Variants in SCNN1D observed in about 807,000 individuals in gnomAD.
SCNN1D encodes the protein epithelial sodium channel subunit delta.
SCNN1D carries 104 observed loss-of-function variants against 87.8 expected under a neutral mutation model. That is an observed-to-expected ratio of 1.18 (90% CI 1.01 to 1.39). The LOEUF is 1.39. Ranked by LOEUF, SCNN1D falls within the 40% of genes most tolerant of loss-of-function variation. The pLI is 0.00. For missense variants in SCNN1D, 1,324 were observed against 1,093.9 expected, an observed-to-expected ratio of 1.21 and a Z score of -2.97; for synonymous variants, 628 against 481.2, an observed-to-expected ratio of 1.31 and a Z score of -3.99.
intron 10 of SCNN1D, 30 bp downstream of exon 10, chr1:1,287,626 G>T (rs764795566): frequency 3.7e-6 from 6 of 1,610,590 alleles, no homozygotes; most frequent in Non-Finnish European, 5.1e-6. Context: ...CGGTGCGGGG[G>T]CAGGGGTGCA....
intron 12 of SCNN1D, 29 bp downstream of exon 12, chr1:1,288,066 G>C: frequency 2.0e-6 from 3 of 1,472,524 alleles, no homozygotes; most frequent in Admixed American, 2.1e-5. Context: ...GGGGTGCGGG[G>C]GCAGGTGAGG....
chr1:1,282,173 A>G (rs1640483035), intron 3 of SCNN1D, 69 bp from the exon 4 acceptor site: 1 of 924,126 alleles, frequency 1.1e-6, no homozygotes. Context: ...CACTCAAGGA[A>G]ATCAGCTCAG....
Position 1,280,580 on chromosome 1 carries a change from G to C in SCNN1D, c.-82G>C. On this transcript the variant is annotated 5_prime_UTR_variant, in exon 1 of 18. Coordinates refer to ENST00000379116, the MANE Select transcript of SCNN1D (RefSeq NM_001130413.4). ...GCCACCAGGTCACAAGCCTCAGAGA[G>C]AATCAACTATAAATGCTTCTCATCA... 1.5e-6 allele frequency: 1 copy of C among 681,734 alleles called. No individual in the cohort carries two copies. The highest frequency in any genetic ancestry group is 2.7e-6 in the Non-Finnish European group (1 of 369,252). 42.2% of individuals were successfully genotyped at this position (681,734 alleles called of 1,614,324 possible). A position where few individuals can be genotyped will look rare whatever the true frequency, so the allele number is the denominator to read the frequency against.
rs748377068 is a variant in SCNN1D, at chr1:1,290,267, C to G, written c.1663-4C>G. On this transcript the variant is annotated splice_region_variant and splice_polypyrimidine_tract_variant and intron_variant, in intron 12 of 17. Transcript: ENST00000379116. Reference sequence around the variant, plus strand: ...ATGTCCCTGCTCATCCCCCCTGTCCCCAGGCCTGCCTGGTGTCCTGCTTCC... The same window carrying G: ...ATGTCCCTGCTCATCCCCCCTGTCCGCAGGCCTGCCTGGTGTCCTGCTTCC... 3 of 1,557,502 alleles carry G rather than the reference C, an allele frequency of 1.9e-6. No homozygotes were observed. Among genetic ancestry groups the G allele is most frequent in the South Asian group, 1.2e-5 (1 of 81,298 alleles).
In SCNN1D at chr1:1,280,640, T is replaced by C; in HGVS notation, c.-22T>C. The C allele has an allele frequency of 1.4e-6, 1 of 700,462 alleles. No individual in the cohort carries two copies. Among genetic ancestry groups the C allele is most frequent in the Non-Finnish European group, 2.6e-6 (1 of 384,066 alleles). The allele number at this position is 700,462 out of a possible 1,614,324, so 43.4% of individuals were successfully genotyped here. On this transcript the variant is annotated 5_prime_UTR_variant, in exon 1 of 18. Transcript: ENST00000379116. ...CCTGAGGTGATGCTGATGCTGTGCCTGAATTCCAGCAGGGAGGAGGCATGA... is the reference window on the plus strand; with the variant it reads ...CCTGAGGTGATGCTGATGCTGTGCCCGAATTCCAGCAGGGAGGAGGCATGA...
At chr1:1,286,719 G>C in intron 7 of SCNN1D, 49 bp from the exon 8 acceptor site, 1 of 1,557,706 alleles carries the variant, frequency 6.4e-7, no homozygotes, top group Non-Finnish European at 8.8e-7. Context: ...GCTGGGGCCA[G>C]TGTGAGGCCC....
Position 1,291,490 on chromosome 1 carries a change from A to G in SCNN1D, c.2289A>G (p.Ser763=). The G allele has an allele frequency of 1.2e-6, 2 of 1,609,596 alleles. No homozygotes were observed. The highest frequency in any genetic ancestry group is 1.7e-6 in the Non-Finnish European group (2 of 1,178,020). The change falls in exon 18 of 18, where the codon TCA becomes TCG. Residue 763 remains serine, a synonymous_variant. Transcript: ENST00000379116. ...TGCCCCCGCCTGCAGGCGGCACGTCAGATGACCCGGAGCCCAGCGGGCCTC... is the reference window on the plus strand; with the variant it reads ...TGCCCCCGCCTGCAGGCGGCACGTCGGATGACCCGGAGCCCAGCGGGCCTC... The part of the protein sequence containing the change: ...SQMPPPAGGT[S]DDPEPSGPHL...
Position 1,286,002 on chromosome 1 carries a change from G to A in SCNN1D, c.635G>A (p.Gly212Glu), listed in dbSNP as rs376140536. The part of the protein sequence containing the change: ...PPPPKEGHQE[G>E]LVELPASFRE... ...CCACCCAAGGAGGGGCACCAGGAGG[G>A]GCTGGTGGAGCTGCCCGCCTCGTTC... Residue 212 changes from glycine (G) to glutamate (E), a missense_variant, in exon 7 of 18, where the codon GGG (glycine) becomes GAG (glutamate). Coordinates refer to ENST00000379116, the MANE Select transcript of SCNN1D (RefSeq NM_001130413.4). The A allele has an allele frequency of 1.3e-6, 2 of 1,561,558 alleles. No homozygotes were observed. The highest frequency in any genetic ancestry group is 1.7e-6 in the Non-Finnish European group (2 of 1,152,540).
Position 1,287,270 on chromosome 1 carries a change from C to T in SCNN1D, c.1281C>T (p.Cys427=), listed in dbSNP as rs1640615810. The T allele has an allele frequency of 6.2e-7, 1 of 1,604,834 alleles. No homozygotes were observed. The highest frequency in any genetic ancestry group is 8.5e-7 in the Non-Finnish European group (1 of 1,175,120). Reference sequence around the variant, plus strand: ...AGGACGGCCACTTCGTCCTCTCCTGCAGTTACGATGGCCTGGACTGCCAGG... The same window carrying T: ...AGGACGGCCACTTCGTCCTCTCCTGTAGTTACGATGGCCTGGACTGCCAGG... The part of the protein sequence containing the change: ...GSQDGHFVLS[C]SYDGLDCQAR... Residue 427 remains cysteine, a synonymous_variant, in exon 9 of 18, where the codon TGC becomes TGT. Transcript: ENST00000379116.
chr1:1,291,534 T>A lies in SCNN1D; in HGVS notation c.2333T>A (p.Leu778His), dbSNP rs1221684828. The change falls in exon 18 of 18, where the codon CTT becomes CAT. Residue 778 changes from leucine (L) to histidine (H), a missense_variant. Transcript: ENST00000379116. Reference protein sequence around the residue: ...PSGPHLPRVMLPGVLAGVSAE... With the variant: ...PSGPHLPRVMHPGVLAGVSAE... ...GGGCCTCATCTCCCACGGGTGATGC[T>A]TCCAGGGGTTCTGGCGGGAGTCTCA... 1 of 1,601,864 alleles carries A rather than the reference T, an allele frequency of 6.2e-7. No individual in the cohort carries two copies. The highest frequency in any genetic ancestry group is 1.1e-5 in the South Asian group (1 of 90,702).
At chr1:1,281,802 G>C in intron 3 of SCNN1D, 192 bp downstream of exon 3, 1 of 611,204 alleles carries the variant, frequency 1.6e-6, no homozygotes, top group Non-Finnish European at 2.9e-6. Flanking sequence ...CCTGCAAGCT[G>C]CCCTTTGGCT....
Position 1,280,469 on chromosome 1 carries a change from A to T in SCNN1D, c.-193A>T, listed in dbSNP as rs7547329. ...ACAGCGAGACTCCATCTCAATAAAT[A>T]AAAAAAAAAAAGAGTTGTTATCAGT... On this transcript the variant is annotated 5_prime_UTR_variant, in exon 1 of 18. Transcript: ENST00000379116. The T allele has an allele frequency of 0.048, 10,757 of 223,204 alleles. 221 individuals carry two copies. Among genetic ancestry groups the T allele is most frequent in the African/African-American group, 0.1 (4,450 of 43,412 alleles). The allele number at this position is 223,204 out of a possible 1,614,324, so 13.8% of individuals were successfully genotyped here.
chr1:1,284,369 C>T (rs1464047882), intron 5 of SCNN1D, among the ~76,000 whole-genome samples: 1 of 119,608 alleles, frequency 8.4e-6, no homozygotes, highest in Non-Finnish European at 1.8e-5. Flanking sequence ...GTACCAGGGG[C>T]TGGGTTGGGG....
chr1:1,284,296 G>C (rs1170666091), intron 5 of SCNN1D, among the ~76,000 whole-genome samples: 3 of 110,780 alleles, frequency 2.7e-5, no homozygotes, highest in Non-Finnish European at 5.5e-5. Flanking sequence ...AGGTACCGTG[G>C]GGGGATTGGG....
rs1640571724 is a variant in SCNN1D, at chr1:1,285,618, G to A, written c.512G>A (p.Trp171Ter). 2.6e-6 allele frequency: 4 copies of A among 1,547,574 alleles called. No individual in the cohort carries two copies. Among genetic ancestry groups the A allele is most frequent in the Non-Finnish European group, 3.5e-6 (4 of 1,145,462 alleles). Residue 171 changes from tryptophan (W) to a stop codon, truncating the protein, a stop_gained, in exon 6 of 18, where the codon TGG becomes TAG. Coordinates refer to ENST00000379116, the MANE Select transcript of SCNN1D (RefSeq NM_001130413.4). LOFTEE classifies it high-confidence loss of function. Reference sequence around the variant, plus strand: ...CAGAGGCCCTGCCACCTGAAGGGATGGCAGCACAGACCCACTCAGCACAAC... The same window carrying A: ...CAGAGGCCCTGCCACCTGAAGGGATAGCAGCACAGACCCACTCAGCACAAC... ...APQRPCHLKG[W>*]QHRPTQHNAA...
rs1327757512 is a variant in SCNN1D, at chr1:1,281,740, G to C, written c.277+130G>C. The C allele has an allele frequency of 6.0e-6, 5 of 838,994 alleles. No homozygotes were observed. The African/African-American group carries it at 8.6e-5, about 14-fold the overall frequency. The allele number at this position is 838,994 out of a possible 1,614,324, so 52.0% of individuals were successfully genotyped here. ...AGGGCATACGGGTCATGGAAGGGGTGCTCTGCCCCCGGCCAGGGCTCCCCC... is the reference window on the plus strand; with the variant it reads ...AGGGCATACGGGTCATGGAAGGGGTCCTCTGCCCCCGGCCAGGGCTCCCCC... On this transcript the variant is annotated intron_variant, in intron 3 of 17. Coordinates refer to ENST00000379116, the MANE Select transcript of SCNN1D (RefSeq NM_001130413.4).
chr1:1,281,364 G>A (rs966359051), intron 2 of SCNN1D, 47 bp from the exon 3 acceptor site: 1 of 1,531,822 alleles, frequency 6.5e-7, no homozygotes, highest in Non-Finnish European at 8.7e-7. Context: ...CAGAGGCATG[G>A]GCCCAAAGGG....
chr1:1,282,831 C>G (rs939496325), intron 4 of SCNN1D, among the ~76,000 whole-genome samples: 3 of 151,626 alleles, frequency 2.0e-5, no homozygotes, highest in African/African-American at 7.3e-5. Flanking sequence ...CGGCTCACTG[C>G]AAGCTCCGCC....
At position 1,291,489 on chromosome 1, in the gene SCNN1D, C is replaced by T. The variant is rs1456850466; in HGVS notation, c.2288C>T (p.Ser763Leu). The T allele has an allele frequency of 1.9e-6, 3 of 1,609,494 alleles. No individual in the cohort carries two copies. The highest frequency in any genetic ancestry group is 2.5e-6 in the Non-Finnish European group (3 of 1,178,072). The change falls in exon 18 of 18, where the codon TCA becomes TTA. Residue 763 changes from serine to leucine, a missense_variant. Coordinates refer to ENST00000379116, the MANE Select transcript of SCNN1D (RefSeq NM_001130413.4). ...SQMPPPAGGT[S>L]DDPEPSGPHL... ...ATGCCCCCGCCTGCAGGCGGCACGT[C>T]AGATGACCCGGAGCCCAGCGGGCCT... is the stretch of plus-strand genomic sequence containing the variant.
Sources: allele counts gnomAD v4.1 joint callset (sites outside exome capture counted in the v4.1 genomes callset), GRCh38; gene constraint gnomAD v4.1.1; transcripts MANE v1.5; gene names NCBI Gene and HGNC (gene_info 2026-07-23, HGNC 2026-07-21).